The following NDUFAF6 variants were observed in gnomAD, a reference collection of about 807,000 sequenced individuals.
NDUFAF6 encodes the protein NADH dehydrogenase (ubiquinone) complex I, assembly factor 6.
NDUFAF6 carries 45 observed loss-of-function variants against 40.8 expected under a neutral mutation model. That is an observed-to-expected ratio of 1.10 (90% CI 0.87 to 1.42). The LOEUF is 1.42. Ranked by LOEUF, NDUFAF6 falls within the 40% of genes most tolerant of loss-of-function variation. The probability of loss-of-function intolerance (pLI) is 0.00; values close to 1 mark genes in which losing one functional copy is unlikely to be tolerated. For missense variants in NDUFAF6, 435 were observed against 418.5 expected, an observed-to-expected ratio of 1.04 and a Z score of -0.34; for synonymous variants, 185 against 155.9, an observed-to-expected ratio of 1.19 and a Z score of -1.39.
intron 2 of NDUFAF6, among the ~76,000 whole-genome samples, chr8:95,006,093 C>A (rs1329784254): frequency 6.6e-6 from 1 of 152,086 alleles, no homozygotes; most frequent in Admixed American, 6.6e-5. Context: ...CGCGGTGGCT[C>A]ACGCCTGTAA....
At chr8:94,896,496 G>T (rs1418835622) in intron 1 of NDUFAF6, 1 of 152,208 alleles carries the variant, frequency 6.6e-6, no homozygotes, top group Non-Finnish European at 1.5e-5. Flanking sequence ...CGGGTATTCC[G>T]CAAACAGGTT....
rs897029989 is a variant in NDUFAF6, at chr8:95,025,100, C to G, written c.92C>G (p.Ala31Gly). 6.7e-7 allele frequency: 1 copy of G among 1,484,006 alleles called. No individual in the cohort carries two copies. The highest frequency in any genetic ancestry group is 2.4e-5 in the Admixed American group (1 of 42,040). The allele number at this position is 1,484,006 out of a possible 1,614,324, so 91.9% of individuals were successfully genotyped here. ...CCRRPPLGLYARMRRLPGPEV... is the reference protein window; with the variant it reads ...CCRRPPLGLYGRMRRLPGPEV... ...CGCCGGCCGCCTCTGGGTCTGTACGCGCGCATGCGGCGGCTGCCCGGGCCG... is the reference window on the plus strand; with the variant it reads ...CGCCGGCCGCCTCTGGGTCTGTACGGGCGCATGCGGCGGCTGCCCGGGCCG... Residue 31 changes from alanine (A) to glycine (G), a missense_variant, in exon 1 of 9, where the codon GCG becomes GGG. Physicochemically the swap from Ala to Gly is moderately conservative, Grantham distance 60. Coordinates refer to ENST00000396124, the MANE Select transcript of NDUFAF6 (RefSeq NM_152416.4).
intron 9 of NDUFAF6, among the ~76,000 whole-genome samples, chr8:95,065,496 G>A (rs1206994646): frequency 6.6e-6 from 1 of 151,978 alleles, no homozygotes. Flanking sequence ...TTGTTTTTTA[G>A]TCTACATTTT....
In NDUFAF6 at chr8:95,035,348, G is replaced by A. The variant is rs1227544177; in HGVS notation, c.298-106G>A. On this transcript the variant is annotated intron_variant, in intron 2 of 8. Coordinates refer to ENST00000396124, the MANE Select transcript of NDUFAF6 (RefSeq NM_152416.4). ...ATGTAGTCATGTATTTATCACCATA[G>A]TCATAATACAGAACAGTTACATTAA... The A allele has an allele frequency of 2.5e-6, 3 of 1,180,496 alleles. No individual in the cohort carries two copies. In the African/African-American group the frequency reaches 4.5e-5, roughly 18 times the overall value. The allele number at this position is 1,180,496 out of a possible 1,614,324, so 73.1% of individuals were successfully genotyped here.
intron 2 of NDUFAF6, among the ~76,000 whole-genome samples, chr8:94,987,046 T>C (rs1825946944): frequency 6.6e-6 from 1 of 152,236 alleles, no homozygotes; most frequent in Non-Finnish European, 1.5e-5. Context: ...AATCAAACTT[T>C]ACTGATATCC....
chr8:94,897,256 A>G (rs1817687765), intron 1 of NDUFAF6, among the ~76,000 whole-genome samples: 1 of 152,220 alleles, frequency 6.6e-6, no homozygotes, highest in East Asian at 1.9e-4. Context: ...TTTAAAAGAC[A>G]CTGCTCTTAT....
At chr8:95,058,857 G>T, downstream of NDUFAF6, 1 of 870,722 alleles carries the variant, frequency 1.1e-6, no homozygotes, top group African/African-American at 1.8e-5. Context: ...TTTGAGACCA[G>T]CCTGGGCAAC....
At chr8:95,084,821 A>C (rs113346876) in intron 2 of NDUFAF6, among the ~76,000 whole-genome samples, 1 of 152,248 alleles carries the variant, frequency 6.6e-6, no homozygotes, top group Non-Finnish European at 1.5e-5. Flanking sequence ...TTTTGCAACC[A>C]AACTTTCCCA....
chr8:95,077,088 G>A (rs143434286), downstream of NDUFAF6, among the ~76,000 whole-genome samples: 82 of 152,296 alleles, frequency 5.4e-4, no homozygotes, highest in South Asian at 1.9e-3. Flanking sequence ...ACCTGGCGAA[G>A]ATGGCCATCT....
upstream of NDUFAF6, among the ~76,000 whole-genome samples, chr8:94,957,302 A>T (rs1181775284): frequency 2.6e-5 from 4 of 152,196 alleles, no homozygotes; most frequent in Non-Finnish European, 5.9e-5. Flanking sequence ...AGGAGGTGGG[A>T]GTGGTGATGT....
At chr8:94,984,965 G>A (rs1329136481) in intron 2 of NDUFAF6, among the ~76,000 whole-genome samples, 1 of 152,094 alleles carries the variant, frequency 6.6e-6, no homozygotes, top group African/African-American at 2.4e-5. Context: ...GCCAACCTAA[G>A]AGCCATTCTC....
At chr8:94,897,236 G>A (rs1817685700) in intron 1 of NDUFAF6, among the ~76,000 whole-genome samples, 1 of 152,156 alleles carries the variant, frequency 6.6e-6, no homozygotes. Context: ...GAGTTAACTA[G>A]TAAATTGATT....
In NDUFAF6 at chr8:94,980,442, G is replaced by GTT. The variant is rs869184585; in HGVS notation, c.-198-398_-198-397dup. ...TAACACTGTCAACTGTGGTTTTTTT[G>GTT]TTTTTTTTTTTTTTTTTTTTGAGAC... On this transcript the variant is annotated intron_variant, in intron 1 of 9. Transcript: ENST00000396111. 5.8e-3 allele frequency among the ~76,000 whole-genome samples: 627 copies of GTT among 107,892 alleles called. 12 individuals are homozygous for GTT. The highest frequency in any genetic ancestry group is 0.017 in the African/African-American group (476 of 27,636). 70.8% of individuals were successfully genotyped at this position (107,892 alleles called of 152,430 possible).
At chr8:95,021,598 C>T (rs1827694867), upstream of NDUFAF6, among the ~76,000 whole-genome samples, 1 of 152,190 alleles carries the variant, frequency 6.6e-6, no homozygotes, top group South Asian at 2.1e-4. Context: ...CCTCACAAGT[C>T]ACTGTCATTC....
At chr8:94,957,711 C>T (rs1485385689), upstream of NDUFAF6, among the ~76,000 whole-genome samples, 1 of 152,134 alleles carries the variant, frequency 6.6e-6, no homozygotes, top group Non-Finnish European at 1.5e-5. Context: ...GAGTTACGAG[C>T]TGAGGAACGT....
intron 2 of NDUFAF6, among the ~76,000 whole-genome samples, chr8:94,995,364 A>T (rs1259002108): frequency 6.6e-6 from 1 of 152,230 alleles, no homozygotes; most frequent in Non-Finnish European, 1.5e-5. Context: ...GTTTTGCAAA[A>T]TGAAAAAATT....
chr8:95,033,904 T>C (rs1314062768), intron 2 of NDUFAF6: 3 of 406,038 alleles, frequency 7.4e-6, no homozygotes, highest in African/African-American at 2.1e-5. Context: ...GTCAGAAAGG[T>C]AAGGTCTTGG....
chr8:95,058,343 C>A lies in NDUFAF6; in HGVS notation c.*406C>A, dbSNP rs1471559460. 8.0e-7 allele frequency: 1 copy of A among 1,243,682 alleles called. No homozygotes were observed. The highest frequency in any genetic ancestry group is 1.0e-6 in the Non-Finnish European group (1 of 995,142). The allele number at this position is 1,243,682 out of a possible 1,614,324, so 77.0% of individuals were successfully genotyped here. A position where few individuals can be genotyped will look rare whatever the true frequency, so the allele number is the denominator to read the frequency against. On this transcript the variant is annotated 3_prime_UTR_variant, in exon 9 of 9. Coordinates refer to ENST00000396124, the MANE Select transcript of NDUFAF6 (RefSeq NM_152416.4). ...GGGCTTACATGCTGAGCAGCTATAA[C>A]CTAGGTGTTCAGAACACCTGGAAGA...
At chr8:95,008,042 C>A (rs949819299) in intron 2 of NDUFAF6, among the ~76,000 whole-genome samples, 1 of 152,102 alleles carries the variant, frequency 6.6e-6, no homozygotes, top group African/African-American at 2.4e-5. Flanking sequence ...CAATTTTAAA[C>A]TTGGAAGGAG....
Sources: allele counts gnomAD v4.1 joint callset (sites outside exome capture counted in the v4.1 genomes callset), GRCh38; gene constraint gnomAD v4.1.1; transcripts MANE v1.5; gene names NCBI Gene and HGNC (gene_info 2026-07-23, HGNC 2026-07-21).